The following AP3S1 variants were observed in gnomAD, a reference collection of about 807,000 sequenced individuals.
AP3S1 encodes AP-3 complex subunit sigma-1.
In AP3S1, 12 loss-of-function variants were observed where a neutral mutation model predicts 21.3. The observed-to-expected ratio is 0.56, with a 90% CI of 0.36 to 0.91. The LOEUF (loss-of-function observed/expected upper bound fraction) is 0.91, where lower values mean the gene tolerates loss of function less well. AP3S1 is among the 40% of genes least tolerant of loss of function. AP3S1 has a pLI of 0.01. For synonymous variants in AP3S1, 48 were observed against 78.4 expected (o/e 0.61, Z 2.05); for missense variants, 116 against 225.0 (o/e 0.52, Z 3.10).
At chr5:115,906,264 A>G (rs1290341431) in intron 5 of AP3S1, among the ~76,000 whole-genome samples, 1 of 152,238 alleles carries the variant, frequency 6.6e-6, no homozygotes, top group African/African-American at 2.4e-5. Context: ...ATATCTTAGG[A>G]ACATCATTTA....
intron 3 of AP3S1, among the ~76,000 whole-genome samples, chr5:115,888,401 A>G (rs1749984221): frequency 6.6e-6 from 1 of 152,056 alleles, no homozygotes; most frequent in Non-Finnish European, 1.5e-5. Flanking sequence ...TGTGCATGTA[A>G]CAGATCATCA....
chr5:115,903,835 C>G (rs1329745750), intron 5 of AP3S1: 1 of 152,018 alleles, frequency 6.6e-6, no homozygotes, highest in Non-Finnish European at 1.5e-5. Flanking sequence ...TTAGAAAGAT[C>G]AGTAGTTTTA....
chr5:115,855,387 T>C (rs995941608), intron 1 of AP3S1, among the ~76,000 whole-genome samples: 1 of 152,084 alleles, frequency 6.6e-6, no homozygotes, highest in Admixed American at 6.6e-5. Flanking sequence ...CCACCTAGGC[T>C]GGAGTCCGGT....
At chr5:115,899,594 A>C (rs1026491139) in intron 4 of AP3S1, among the ~76,000 whole-genome samples, 6 of 152,156 alleles carry the variant, frequency 3.9e-5, no homozygotes, top group African/African-American at 1.4e-4. Flanking sequence ...CCTCACTTGA[A>C]ATTTTAAAAT....
At chr5:115,901,121 C>T (rs1041928990) in intron 4 of AP3S1, among the ~76,000 whole-genome samples, 7 of 152,244 alleles carry the variant, frequency 4.6e-5, no homozygotes, top group Admixed American at 2.0e-4. Context: ...AACTTAATTT[C>T]TCATTCTTTC....
chr5:115,907,579 C>G (rs1363740070), intron 5 of AP3S1, among the ~76,000 whole-genome samples: 1 of 152,080 alleles, frequency 6.6e-6, no homozygotes, highest in East Asian at 1.9e-4. Context: ...TACCAAATCA[C>G]CAAAATACAA....
intron 1 of AP3S1, among the ~76,000 whole-genome samples, chr5:115,855,241 G>C (rs1384142222): frequency 6.6e-6 from 1 of 151,966 alleles, no homozygotes; most frequent in Non-Finnish European, 1.5e-5. Context: ...GTTTCACCAT[G>C]TTGATCAGGC....
chr5:115,886,214 A>G (rs1027873907), intron 3 of AP3S1, among the ~76,000 whole-genome samples: 14 of 152,344 alleles, frequency 9.2e-5, no homozygotes, highest in African/African-American at 3.4e-4. Flanking sequence ...CAGTCGGAAC[A>G]GTGGTAATGC....
At chr5:115,870,521 T>C (rs1748138008) in intron 3 of AP3S1, among the ~76,000 whole-genome samples, 1 of 152,224 alleles carries the variant, frequency 6.6e-6, no homozygotes, top group South Asian at 2.1e-4. Flanking sequence ...TCTGTTAATA[T>C]TACTTTACAT....
chr5:115,852,520 T>G (rs1762510410), intron 1 of AP3S1, among the ~76,000 whole-genome samples: 1 of 152,146 alleles, frequency 6.6e-6, no homozygotes, highest in Non-Finnish European at 1.5e-5. Flanking sequence ...TACAGTGGCT[T>G]CTAGAATTAT....
chr5:115,849,286 T>C (rs927054873), intron 1 of AP3S1, among the ~76,000 whole-genome samples: 1 of 152,134 alleles, frequency 6.6e-6, no homozygotes, highest in Non-Finnish European at 1.5e-5. Context: ...GGAAAGCCTA[T>C]ATTAGATAGG....
chr5:115,910,703 T>C (rs1017688070), intron 5 of AP3S1, among the ~76,000 whole-genome samples: 2 of 152,224 alleles, frequency 1.3e-5, no homozygotes, highest in South Asian at 2.1e-4. Flanking sequence ...AGTCTTTTTT[T>C]TTAGCCCTAA....
chr5:115,868,181 T>G (rs144025003), intron 2 of AP3S1, among the ~76,000 whole-genome samples: 1 of 152,232 alleles, frequency 6.6e-6, no homozygotes, highest in South Asian at 2.1e-4. Context: ...AGGCAAAATA[T>G]GTACTTGCCG....
At chr5:115,863,356 A>G (rs1763345478) in intron 1 of AP3S1, among the ~76,000 whole-genome samples, 1 of 151,776 alleles carries the variant, frequency 6.6e-6, no homozygotes, top group African/African-American at 2.4e-5. Context: ...AGATCATGCC[A>G]TTGCACTCCA....
chr5:115,876,188 A>C (rs763097965), intron 3 of AP3S1, among the ~76,000 whole-genome samples: 12 of 152,148 alleles, frequency 7.9e-5, no homozygotes, highest in Admixed American at 7.9e-4. Flanking sequence ...GCTGATATTC[A>C]TACTTATCTC....
chr5:115,861,262 C>T (rs1467357128), intron 1 of AP3S1, among the ~76,000 whole-genome samples: 2 of 151,922 alleles, frequency 1.3e-5, no homozygotes, highest in South Asian at 2.1e-4. Flanking sequence ...TGTTCCCAGA[C>T]GGAAGTGGGA....
chr5:115,883,300 A>G (rs2112878556), intron 3 of AP3S1, among the ~76,000 whole-genome samples: 1 of 152,322 alleles, frequency 6.6e-6, no homozygotes, highest in South Asian at 2.1e-4. Flanking sequence ...ACGGCCACCC[A>G]GTTTTGTGCT....
intron 1 of AP3S1, 134 bp downstream of exon 1, chr5:115,842,240 C>T (rs1761638371): frequency 7.5e-7 from 1 of 1,329,942 alleles, no homozygotes; most frequent in Admixed American, 3.2e-5. Context: ...TGGCGCTCGC[C>T]AGCTGTCAGC....
chr5:115,896,097 G>A (rs547908116), intron 4 of AP3S1, among the ~76,000 whole-genome samples: 2 of 152,114 alleles, frequency 1.3e-5, no homozygotes, highest in African/African-American at 4.8e-5. Flanking sequence ...AAAAAATCCA[G>A]TGTGATTTTT....
Sources: gnomAD v4.1 joint callset for allele counts (sites outside exome capture counted in the v4.1 genomes callset) on GRCh38, gnomAD v4.1.1 for gene constraint, MANE v1.5 for transcripts, NCBI Gene and HGNC (gene_info 2026-07-23, HGNC 2026-07-21) for gene names.